ACADL: variants seen among roughly 807,000 people sequenced by gnomAD.
ACADL encodes acyl-CoA dehydrogenase long chain.
In ACADL, 60 loss-of-function variants were observed where a neutral mutation model predicts 56.9. That is an observed-to-expected ratio of 1.05 (90% CI 0.86 to 1.31). The LOEUF (loss-of-function observed/expected upper bound fraction) is 1.31. ACADL is among the 50% of genes most tolerant of loss of function. The pLI, the probability that ACADL is intolerant of heterozygous loss-of-function variation, is 0.00. For missense variants in ACADL, 484 were observed against 525.5 expected, an observed-to-expected ratio of 0.92 and a Z score of 0.77; for synonymous variants, 158 against 179.7, an observed-to-expected ratio of 0.88 and a Z score of 0.97.
At position 210,221,063 on chromosome 2, in the gene ACADL, T is replaced by C. The variant is rs540373091; in HGVS notation, c.78-261A>G. ...CCAAATCCTTAAAGAAGATGATGCC[T>C]AGAACTAACCACAGGTCTGACTTGA... On this transcript the variant is annotated intron_variant, in intron 1 of 10. Coordinates refer to ENST00000233710, the MANE Select transcript of ACADL (RefSeq NM_001608.4). Among the ~76,000 whole-genome samples, 5 of 152,044 alleles carry C rather than the reference T, an allele frequency of 3.3e-5. No homozygotes were observed. In the East Asian group the frequency reaches 9.6e-4, roughly 29 times the overall value.
chr2:210,216,899 A>G (rs13415066), intron 3 of ACADL, among the ~76,000 whole-genome samples: 1 of 152,034 alleles, frequency 6.6e-6, no homozygotes, highest in East Asian at 1.9e-4. Flanking sequence ...AATAAAAAAT[A>G]AAAAAGCAAA....
rs1482909130 is a variant in ACADL at position 210,219,667 on chromosome 2, G to A, written c.233+980C>T. Among the ~76,000 whole-genome samples, 7 of 152,134 alleles carry A rather than the reference G, an allele frequency of 4.6e-5. No individual in the cohort carries two copies. In the East Asian group the frequency reaches 1.3e-3, roughly 29 times the overall value. ...ATTCTAAATGTTTTAAAGTACGGATGTCTCTGTACTTTATGACAGTTCAAC... is the reference window on the plus strand; with the variant it reads ...ATTCTAAATGTTTTAAAGTACGGATATCTCTGTACTTTATGACAGTTCAAC... On this transcript the variant is annotated intron_variant, in intron 2 of 10. Transcript: ENST00000233710.
At position 210,220,693 on chromosome 2, in the gene ACADL, T is replaced by C. The variant is rs1286709391; in HGVS notation, c.187A>G (p.Ser63Gly). ...FSPEHDIFRK[S>G]VRKFFQEEVI... is the part of the protein sequence containing the mutation. ...TCTTCTTGGAAAAACTTCCTTACAC[T>C]TTTCCGGAAAATGTCATGCTCTGGA... Residue 63 changes from serine (S) to glycine (G), a missense_variant, in exon 2 of 11, where the codon AGT becomes GGT. Ser to Gly is a moderately conservative substitution (Grantham distance 56). Coordinates refer to ENST00000233710, the MANE Select transcript of ACADL (RefSeq NM_001608.4). 8.7e-6 allele frequency: 14 copies of C among 1,613,388 alleles called. No individual in the cohort carries two copies. The highest frequency in any genetic ancestry group is 1.7e-5 in the Admixed American group (1 of 59,996).
intron 5 of ACADL, among the ~76,000 whole-genome samples, chr2:210,206,751 T>C (rs928932151): frequency 6.6e-6 from 1 of 152,200 alleles, no homozygotes; most frequent in Non-Finnish European, 1.5e-5. Flanking sequence ...AGTCACCCTC[T>C]ACATGCTGAT....
chr2:210,197,589 A>G (rs1247256298), intron 8 of ACADL, among the ~76,000 whole-genome samples: 1 of 152,192 alleles, frequency 6.6e-6, no homozygotes, highest in African/African-American at 2.4e-5. Flanking sequence ...GCCTACTCCT[A>G]GTTTAGTTCA....
At chr2:210,207,981 C>G (rs994234614) in intron 5 of ACADL, among the ~76,000 whole-genome samples, 1 of 152,100 alleles carries the variant, frequency 6.6e-6, no homozygotes, top group African/African-American at 2.4e-5. Flanking sequence ...TACAACTTGG[C>G]AAAAATATTT....
In ACADL at chr2:210,199,074, CAT is replaced by C. The variant is rs367647925; in HGVS notation, c.985-3738_985-3737del. 4.2e-3 allele frequency among the ~76,000 whole-genome samples: 634 copies of C among 152,196 alleles called. 4 individuals carry two copies. Among genetic ancestry groups the C allele is most frequent in the African/African-American group, 0.015 (604 of 41,572 alleles). The stretch of plus-strand genomic sequence containing the variant: ...GAATAGTTATATAGTTATAAAATGA[CAT>C]GTGGCCAAGTATATTGTAACATTTA... On this transcript the variant is annotated intron_variant, in intron 8 of 10. Transcript: ENST00000233710.
intron 5 of ACADL, among the ~76,000 whole-genome samples, chr2:210,208,959 T>A (rs1014811887): frequency 2.0e-5 from 3 of 152,222 alleles, no homozygotes; most frequent in African/African-American, 7.2e-5. Context: ...AGACGAGGTC[T>A]GCTTAGAGAG....
chr2:210,217,126 G>A (rs1393469644), intron 3 of ACADL, among the ~76,000 whole-genome samples: 1 of 151,884 alleles, frequency 6.6e-6, no homozygotes, highest in Admixed American at 6.6e-5. Context: ...AATATTCCAA[G>A]TTGTTTATGT....
chr2:210,189,126 C>T, intron 10 of ACADL, 72 bp from the exon 11 acceptor site: 6 of 1,058,820 alleles, frequency 5.7e-6, no homozygotes, highest in Non-Finnish European at 8.8e-6. Flanking sequence ...TACCAGGTAA[C>T]TCATAAACTA....
At chr2:210,204,460 G>T in intron 7 of ACADL, 121 bp downstream of exon 7, 1 of 746,178 alleles carries the variant, frequency 1.3e-6, no homozygotes, top group Non-Finnish European at 2.3e-6. Flanking sequence ...CAAATGATTA[G>T]CTATTTCACA....
chr2:210,203,792 C>T (rs943804523), intron 7 of ACADL, among the ~76,000 whole-genome samples: 3 of 152,182 alleles, frequency 2.0e-5, no homozygotes, highest in African/African-American at 4.8e-5. Flanking sequence ...CCTCCCACCT[C>T]AGCCTTCCGA....
At chr2:210,206,060 C>G (rs920864800) in intron 5 of ACADL, among the ~76,000 whole-genome samples, 1 of 151,560 alleles carries the variant, frequency 6.6e-6, no homozygotes, top group African/African-American at 2.4e-5. Context: ...TAATAATAAA[C>G]AGAGATTATT....
intron 10 of ACADL, among the ~76,000 whole-genome samples, chr2:210,191,390 G>A (rs1488186634): frequency 6.6e-6 from 1 of 151,996 alleles, no homozygotes; most frequent in Non-Finnish European, 1.5e-5. Context: ...AATCTACATT[G>A]TTTGCTTGGT....
At chr2:210,224,045 G>A (rs1689223214) in intron 1 of ACADL, among the ~76,000 whole-genome samples, 3 of 151,788 alleles carry the variant, frequency 2.0e-5, no homozygotes, top group Non-Finnish European at 2.9e-5. Flanking sequence ...GGTCAATATG[G>A]TGAAACCCCC....
intron 5 of ACADL, chr2:210,209,906 T>C: frequency 3.1e-6 from 1 of 317,888 alleles, no homozygotes; most frequent in Non-Finnish European, 5.9e-6. Context: ...TGTCCCACAT[T>C]TGGGCAATGT....
chr2:210,192,492 TAAAATAA>T (rs1224003149), intron 10 of ACADL, among the ~76,000 whole-genome samples: 1 of 151,852 alleles, frequency 6.6e-6, no homozygotes, highest in African/African-American at 2.4e-5. Context: ...TGTCTCAAAA[TAAAATAA>T]AAAATAAAAA....
intron 10 of ACADL, among the ~76,000 whole-genome samples, chr2:210,190,145 C>A (rs893237018): frequency 5.3e-5 from 8 of 151,970 alleles, no homozygotes; most frequent in South Asian, 2.1e-4. Flanking sequence ...TTATTCTTCT[C>A]CATATTCATC....
At chr2:210,221,727 C>CTTTT (rs35816930) in intron 1 of ACADL, among the ~76,000 whole-genome samples, 3 of 140,222 alleles carry the variant, frequency 2.1e-5, no homozygotes, top group Non-Finnish European at 4.7e-5. Context: ...TGTTTCTTTC[C>CTTTT]TTTTTTTTTT....
Sources: allele counts gnomAD v4.1 joint callset (sites outside exome capture counted in the v4.1 genomes callset), GRCh38; gene constraint gnomAD v4.1.1; transcripts MANE v1.5; gene names NCBI Gene and HGNC (gene_info 2026-07-23, HGNC 2026-07-21).